Variants in BMP5 observed in about 807,000 individuals in gnomAD.
The protein encoded by BMP5 is bone morphogenetic protein 5.
In BMP5, 23 loss-of-function variants were observed where a neutral mutation model predicts 46.6. That is an observed-to-expected ratio of 0.49 (90% CI 0.35 to 0.70). The LOEUF (loss-of-function observed/expected upper bound fraction) is 0.70, where lower values mean the gene tolerates loss of function less well. Ranked by LOEUF, BMP5 falls within the 30% of genes least tolerant of loss-of-function variation. BMP5 has a pLI of 0.00. For synonymous variants in BMP5, 204 were observed against 191.9 expected (o/e 1.06, Z -0.52); for missense variants, 545 against 565.6 (o/e 0.96, Z 0.37).
In BMP5 at chr6:55,813,547, T is replaced by C. The variant is rs200013293; in HGVS notation, c.683+6108A>G. Among the ~76,000 whole-genome samples, 55 of 145,552 alleles carry C rather than the reference T, an allele frequency of 3.8e-4. 1 individual carries two copies. The East Asian group carries it at 0.011, about 29-fold the overall frequency. ...GCTCACACCTGTAATCCCAGCACTT[T>C]TGGGGGCCGAGGCGGGCGGATCACG... On this transcript the variant is annotated intron_variant, in intron 2 of 6. Transcript: ENST00000370830.
At chr6:55,826,286 AT>A (rs1367724403) in intron 1 of BMP5, among the ~76,000 whole-genome samples, 1 of 151,782 alleles carries the variant, frequency 6.6e-6, no homozygotes, top group Non-Finnish European at 1.5e-5. Context: ...TGACTTTCAA[AT>A]TTTCTACAGT....
intron 1 of BMP5, among the ~76,000 whole-genome samples, chr6:55,837,977 A>C (rs1479418021): frequency 6.6e-6 from 1 of 152,198 alleles, no homozygotes; most frequent in Non-Finnish European, 1.5e-5. Flanking sequence ...ATATTGTTGC[A>C]AACGACTGGG....
intron 1 of BMP5, among the ~76,000 whole-genome samples, chr6:55,872,514 G>A (rs1249692404): frequency 6.6e-6 from 1 of 151,540 alleles, no homozygotes; most frequent in African/African-American, 2.4e-5. Flanking sequence ...ATTTTTAAAT[G>A]TGTTTCTCAA....
Position 55,794,376 on chromosome 6 carries a change from C to G in BMP5, c.735G>C (p.Val245=), listed in dbSNP as rs1347275837. ...LDTRKAQALD[V]GWLVFDITVT... ...CAGTGATATCAAAGACAAGCCAACCCACATCTAAAGCTTGGGCCTTTCTTG... is the reference window on the plus strand; with the variant it reads ...CAGTGATATCAAAGACAAGCCAACCGACATCTAAAGCTTGGGCCTTTCTTG... The change falls in exon 3 of 7, where the codon GTG becomes GTC. Residue 245 remains valine (V), a synonymous_variant. Coordinates refer to ENST00000370830, the MANE Select transcript of BMP5 (RefSeq NM_021073.4). The G allele has an allele frequency of 6.2e-7, 1 of 1,613,800 alleles. No individual in the cohort carries two copies. Among genetic ancestry groups the G allele is most frequent in the African/African-American group, 1.3e-5 (1 of 74,900 alleles).
chr6:55,816,047 A>T (rs911935780), intron 2 of BMP5, among the ~76,000 whole-genome samples: 3 of 152,132 alleles, frequency 2.0e-5, no homozygotes, highest in African/African-American at 7.2e-5. Flanking sequence ...AATACAATTA[A>T]TAAATATATT....
At chr6:55,759,173 A>AAAAAAAAAAAAAAAAAAAAAAAC in intron 5 of BMP5, 58 bp from the exon 6 acceptor site, 2 of 839,416 alleles carry the variant, frequency 2.4e-6, no homozygotes, top group Non-Finnish European at 3.5e-6. Flanking sequence ...AAAAAAAAAA[A>AAAAAAAAAAAAAAAAAAAAAAAC]AAAAAAAAAA....
At chr6:55,852,214 G>C (rs1369637419) in intron 1 of BMP5, among the ~76,000 whole-genome samples, 1 of 151,862 alleles carries the variant, frequency 6.6e-6, no homozygotes, top group Non-Finnish European at 1.5e-5. Flanking sequence ...ATTAAAATTT[G>C]GTAGGAAAAT....
intron 4 of BMP5, among the ~76,000 whole-genome samples, chr6:55,769,163 CATTG>C (rs1774987177): frequency 6.6e-6 from 1 of 151,878 alleles, no homozygotes; most frequent in African/African-American, 2.4e-5. Flanking sequence ...AAATTTGTCA[CATTG>C]ATTGACTCTT....
rs1356921534 is a variant in BMP5, at chr6:55,792,598, A to G, written c.832+1681T>C. On this transcript the variant is annotated intron_variant, in intron 3 of 6. Coordinates refer to ENST00000370830, the MANE Select transcript of BMP5 (RefSeq NM_021073.4). ...ACACGCACTAGACTAACCCTTTAAT[A>G]TATTCAATTTGTGTGTGAACTTCAT... Among the ~76,000 whole-genome samples, 4 of 152,002 alleles carry G rather than the reference A, an allele frequency of 2.6e-5. No individual in the cohort carries two copies. In the South Asian group the frequency reaches 8.3e-4, roughly 32 times the overall value.
At chr6:55,839,422 T>A (rs1776897845) in intron 1 of BMP5, among the ~76,000 whole-genome samples, 1 of 152,038 alleles carries the variant, frequency 6.6e-6, no homozygotes, top group Non-Finnish European at 1.5e-5. Flanking sequence ...GCTCAAGCAA[T>A]CCTCTCACCT....
chr6:55,780,470 A>AAAAAAAAAAAAGAAAG (rs1554181020), intron 3 of BMP5, among the ~76,000 whole-genome samples: 1 of 131,716 alleles, frequency 7.6e-6, no homozygotes, highest in African/African-American at 2.7e-5. Context: ...AAAAAAAAAA[A>AAAAAAAAAAAAGAAAG]AAAGAAAGAA....
chr6:55,780,470 AAAAGAAAG>A lies in BMP5; in HGVS notation c.833-6235_833-6228del, dbSNP rs560608478. ...CCCATCACTACTAAAAAAAAAAAAA[AAAAGAAAG>A]AAAGAAAGAAAGAAAGAAAGAAACG... On this transcript the variant is annotated intron_variant, in intron 3 of 6. Transcript: ENST00000370830. 7.4e-3 allele frequency among the ~76,000 whole-genome samples: 975 copies of A among 131,578 alleles called. 23 individuals are homozygous for A. Among genetic ancestry groups the A allele is most frequent in the African/African-American group, 0.02 (728 of 36,612 alleles). The allele number at this position is 131,578 out of a possible 152,430, so 86.3% of individuals were successfully genotyped here.
chr6:55,800,864 CA>C (rs2127531419), intron 2 of BMP5, among the ~76,000 whole-genome samples: 1 of 152,244 alleles, frequency 6.6e-6, no homozygotes, highest in East Asian at 1.9e-4. Flanking sequence ...ATTTTCAGAA[CA>C]CTTTCTCTTA....
chr6:55,816,952 A>G (rs1776286202), intron 2 of BMP5, among the ~76,000 whole-genome samples: 1 of 152,158 alleles, frequency 6.6e-6, no homozygotes, highest in Admixed American at 6.5e-5. Flanking sequence ...ATGAACAGAC[A>G]CTTCTCAAAA....
intron 2 of BMP5, among the ~76,000 whole-genome samples, chr6:55,817,981 T>G (rs1562052939): frequency 6.6e-6 from 1 of 152,154 alleles, no homozygotes; most frequent in Non-Finnish European, 1.5e-5. Context: ...ATAGCCAAGG[T>G]AGAGACAAAA....
At chr6:55,860,734 C>T (rs931122091) in intron 1 of BMP5, among the ~76,000 whole-genome samples, 1 of 152,178 alleles carries the variant, frequency 6.6e-6, no homozygotes, top group African/African-American at 2.4e-5. Context: ...AGTATGTTAA[C>T]AACTGTACCT....
chr6:55,834,482 A>G (rs1353777152), intron 1 of BMP5, among the ~76,000 whole-genome samples: 2 of 152,190 alleles, frequency 1.3e-5, no homozygotes, highest in South Asian at 2.1e-4. Context: ...AGGATTCTGA[A>G]CTGACTCAAA....
At chr6:55,865,381 C>T (rs1777615331) in intron 1 of BMP5, 1 of 494,252 alleles carries the variant, frequency 2.0e-6, no homozygotes, top group Admixed American at 2.1e-5. Context: ...AAAGTAAAAC[C>T]ATGGAATAGT....
At chr6:55,814,080 A>G (rs1776199767) in intron 2 of BMP5, among the ~76,000 whole-genome samples, 1 of 152,134 alleles carries the variant, frequency 6.6e-6, no homozygotes, top group Admixed American at 6.5e-5. Context: ...TTATTCACAG[A>G]AAGATTCAAT....
Sources: allele counts gnomAD v4.1 joint callset (sites outside exome capture counted in the v4.1 genomes callset), GRCh38; gene constraint gnomAD v4.1.1; transcripts MANE v1.5; gene names NCBI Gene and HGNC (gene_info 2026-07-23, HGNC 2026-07-21).